The following FAM53A variants were observed in gnomAD, a reference collection of about 807,000 sequenced individuals.
FAM53A encodes the protein family with sequence similarity 53 member A, also known as protein FAM53A.
In FAM53A, 28 loss-of-function variants were observed where a neutral mutation model predicts 26.6. The observed-to-expected ratio is 1.05, with a 90% CI of 0.78 to 1.45. FAM53A has a LOEUF of 1.45. FAM53A is among the 40% of genes most tolerant of loss of function. The pLI, the probability that FAM53A is intolerant of heterozygous loss-of-function variation, is 0.00. For missense variants in FAM53A, 650 were observed against 575.8 expected (o/e 1.13, Z -1.32); for synonymous variants, 290 against 253.1 (o/e 1.15, Z -1.38).
chr4:1,624,216 T>C (rs1577083713), intron 1 of FAM53A, among the ~76,000 whole-genome samples: 1 of 152,234 alleles, frequency 6.6e-6, no homozygotes, highest in East Asian at 1.9e-4. Flanking sequence ...GGCCTCATCT[T>C]GTCTGTGACA....
chr4:1,649,667 C>T (rs1350141988), intron 4 of FAM53A, among the ~76,000 whole-genome samples: 1 of 152,256 alleles, frequency 6.6e-6, no homozygotes, highest in Non-Finnish European at 1.5e-5. Context: ...AGAAATGAGG[C>T]CTCCTGCCAA....
chr4:1,653,055 C>A (rs977498082), intron 4 of FAM53A, among the ~76,000 whole-genome samples: 1 of 151,114 alleles, frequency 6.6e-6, no homozygotes, highest in African/African-American at 2.4e-5. Context: ...GACCACACAC[C>A]ACCCATAGAC....
downstream of FAM53A, among the ~76,000 whole-genome samples, chr4:1,636,907 G>A (rs1715868824): frequency 6.6e-6 from 1 of 152,176 alleles, no homozygotes; most frequent in Non-Finnish European, 1.5e-5. Context: ...CATCTGCAGG[G>A]CTGGAACAGC....
At chr4:1,645,209 G>GCCCA (rs201772320) in intron 4 of FAM53A, among the ~76,000 whole-genome samples, 9,631 of 140,028 alleles carry the variant, frequency 0.069, 386 homozygotes, top group Middle Eastern at 0.19. Flanking sequence ...GGCACAGGCC[G>GCCCA]GCCAAGCCAC....
chr4:1,605,383 C>A, the FAM53A span, among the ~76,000 whole-genome samples: 1 of 152,032 alleles, frequency 6.6e-6, no homozygotes, highest in Non-Finnish European at 1.5e-5. This position sits in a 1 kb window ranked among gnomAD's most constrained non-coding sequence, Gnocchi z 5.7. Context: ...CAGGAGACAG[C>A]CGTGCCGGTG....
intron 4 of FAM53A, among the ~76,000 whole-genome samples, chr4:1,652,531 C>T (rs1233543011): frequency 1.4e-5 from 2 of 147,492 alleles, no homozygotes; most frequent in Non-Finnish European, 1.5e-5. Context: ...ATATACTCTA[C>T]CATACACACA....
At chr4:1,581,969 G>C in the FAM53A span, among the ~76,000 whole-genome samples, 1 of 151,462 alleles carries the variant, frequency 6.6e-6, no homozygotes, top group East Asian at 1.9e-4. Flanking sequence ...GCTCACTGCA[G>C]CCTCCTCCAA....
intron 1 of FAM53A, among the ~76,000 whole-genome samples, chr4:1,619,785 A>C (rs538585550): frequency 1.1e-4 from 17 of 152,348 alleles, no homozygotes; most frequent in African/African-American, 4.1e-4. Flanking sequence ...CCACACGCAA[A>C]GCCCTGTCCT....
chr4:1,611,906 G>C, the FAM53A span, among the ~76,000 whole-genome samples: 1 of 152,212 alleles, frequency 6.6e-6, no homozygotes, highest in African/African-American at 2.4e-5. Flanking sequence ...GTGCCTGGCA[G>C]GGGAGGTGGT....
At chr4:1,661,379 A>G (rs1713821782) in intron 2 of FAM53A, among the ~76,000 whole-genome samples, 1 of 152,020 alleles carries the variant, frequency 6.6e-6, no homozygotes, top group Admixed American at 6.5e-5. Context: ...TTCCTGATGC[A>G]CTATCGCGAC....
the FAM53A span, among the ~76,000 whole-genome samples, chr4:1,610,363 G>A: frequency 6.6e-6 from 1 of 152,212 alleles, no homozygotes; most frequent in African/African-American, 2.4e-5. Context: ...GCCCGTGCAG[G>A]GGAGCCCAAG....
At chr4:1,658,210 C>T (rs923060249) in intron 2 of FAM53A, among the ~76,000 whole-genome samples, 1 of 152,042 alleles carries the variant, frequency 6.6e-6, no homozygotes, top group Non-Finnish European at 1.5e-5. Flanking sequence ...TTCGTAGAGA[C>T]AGGGTTTCAC....
intron 1 of FAM53A, among the ~76,000 whole-genome samples, chr4:1,627,333 CCT>C (rs769291975): frequency 4.3e-4 from 65 of 152,338 alleles, no homozygotes; most frequent in Non-Finnish European, 7.8e-4. Flanking sequence ...GTTTCTGTTC[CCT>C]GAGTAGCTCA....
chr4:1,620,134 G>A (rs1017065530), intron 1 of FAM53A, among the ~76,000 whole-genome samples: 21 of 151,802 alleles, frequency 1.4e-4, no homozygotes, highest in African/African-American at 5.1e-4. Context: ...TTAAACCTGG[G>A]AGACAGAGGT....
intron 1 of FAM53A, among the ~76,000 whole-genome samples, chr4:1,621,563 G>A (rs1053488831): frequency 1.3e-5 from 2 of 152,132 alleles, no homozygotes; most frequent in Admixed American, 6.5e-5. Context: ...TGGATCTGCC[G>A]CCACCCAGCC....
chr4:1,666,756 C>T (rs986701646), intron 2 of FAM53A, among the ~76,000 whole-genome samples: 1 of 152,270 alleles, frequency 6.6e-6, no homozygotes, highest in Non-Finnish European at 1.5e-5. Flanking sequence ...AATCCCAACA[C>T]TCTGCAAGGC....
At chr4:1,677,707 C>T (rs1316600645) in intron 1 of FAM53A, among the ~76,000 whole-genome samples, 1 of 152,106 alleles carries the variant, frequency 6.6e-6, no homozygotes, top group East Asian at 1.9e-4. Flanking sequence ...ATACAGTGGC[C>T]GTGTCCTCCC....
the FAM53A span, among the ~76,000 whole-genome samples, chr4:1,598,346 G>A: frequency 9.8e-5 from 15 of 152,356 alleles, no homozygotes; most frequent in South Asian, 3.1e-3. Context: ...TGCGCCTTCC[G>A]CCAGGCCCTT....
intron 1 of FAM53A, among the ~76,000 whole-genome samples, chr4:1,627,867 A>T: frequency 1.3e-5 from 2 of 151,622 alleles, no homozygotes; most frequent in Non-Finnish European, 2.9e-5. Context: ...CCTCCCACCC[A>T]CCATGAAGTG....
Sources: allele counts gnomAD v4.1 joint callset (sites outside exome capture counted in the v4.1 genomes callset), GRCh38; gene constraint gnomAD v4.1.1; non-coding constraint Gnocchi (gnomAD v3.1); transcripts MANE v1.5; gene names NCBI Gene and HGNC (gene_info 2026-07-23, HGNC 2026-07-21).